STRBP: variants seen among roughly 807,000 people sequenced by gnomAD.
The protein encoded by STRBP is spermatid perinuclear RNA-binding protein.
In STRBP, 13 loss-of-function variants were observed where a neutral mutation model predicts 80.1. That is an observed-to-expected ratio of 0.16 (90% CI 0.11 to 0.26). STRBP has a LOEUF of 0.26. Among genes scored for constraint, STRBP ranks in the 10% least tolerant of loss-of-function variants. The probability of loss-of-function intolerance (pLI) is 1.00; values close to 1 mark genes in which losing one functional copy is unlikely to be tolerated. For synonymous variants in STRBP, 284 were observed against 291.2 expected (o/e 0.98, Z 0.25); for missense variants, 485 against 815.2 (o/e 0.59, Z 4.93).
At chr9:123,238,436 T>A (rs1262016809) in intron 1 of STRBP, among the ~76,000 whole-genome samples, 1 of 152,228 alleles carries the variant, frequency 6.6e-6, no homozygotes, top group African/African-American at 2.4e-5. Flanking sequence ...TAGATTCCCT[T>A]AAAGGCAAAC....
Position 123,132,965 on chromosome 9 carries a change from T to C in STRBP, c.1777A>G (p.Lys593Glu). 3 of 1,610,436 alleles carry C rather than the reference T, an allele frequency of 1.9e-6. No individual in the cohort carries two copies. Among genetic ancestry groups the C allele is most frequent in the Non-Finnish European group, 2.5e-6 (3 of 1,178,744 alleles). ...NKKKKIIPQA[K>E]GVVNTAVSAA... The stretch of plus-strand genomic sequence containing the variant: ...GACACAGCTGTATTCACAACGCCCT[T>C]TGCCTGTTAAAATAACACATTTTCA... Residue 593 changes from lysine (K) to glutamate (E), a missense_variant, in exon 17 of 19, where the codon AAG becomes GAG. By Grantham distance (56) the Lys-to-Glu change is moderately conservative (BLOSUM62 1). Around this residue, in one of 3 missense-constraint regions of STRBP, gnomAD observed 85 missense variants for 120.1 expected, o/e 0.71. Transcript: ENST00000348403.
chr9:123,197,255 A>C lies in STRBP; in HGVS notation c.-164-12957T>G, dbSNP rs150383822. On this transcript the variant is annotated intron_variant, in intron 2 of 18. Coordinates refer to ENST00000348403, the MANE Select transcript of STRBP (RefSeq NM_018387.5). ...ATCAGAGGCCGAGAGGGTGGGGAAG[A>C]AGTGGAGATGGTATATGGGTACAAA... 5.3e-5 allele frequency among the ~76,000 whole-genome samples: 8 copies of C among 152,348 alleles called. No individual in the cohort carries two copies. The East Asian group carries it at 1.3e-3, about 26-fold the overall frequency.
rs776689675 is a variant in STRBP at position 123,139,582 on chromosome 9, T to G, written c.1444A>C (p.Asn482His). The G allele has an allele frequency of 2.5e-6, 4 of 1,613,098 alleles. No individual in the cohort carries two copies. Among genetic ancestry groups the G allele is most frequent in the South Asian group, 1.1e-5 (1 of 91,002 alleles). ...NESKNETVSSNSSNNTGNSTT... is the reference protein window; with the variant it reads ...NESKNETVSSHSSNNTGNSTT... Reference sequence around the variant, plus strand: ...GAATTTCCAGTATTATTGCTTGAGTTTGAAGACACTGTTTCATTTTTACTT... The same window carrying G: ...GAATTTCCAGTATTATTGCTTGAGTGTGAAGACACTGTTTCATTTTTACTT... The change falls in exon 14 of 19, where the codon AAC (asparagine) becomes CAC (histidine). Residue 482 changes from asparagine to histidine, a missense_variant. Asn to His is a moderately conservative substitution (Grantham distance 68, BLOSUM62 1). This residue lies in a region of STRBP where 377 missense variants were observed against 616.1 expected (regional missense o/e 0.61). Coordinates refer to ENST00000348403, the MANE Select transcript of STRBP (RefSeq NM_018387.5).
At chr9:123,259,113 G>T (rs958909540) in intron 1 of STRBP, among the ~76,000 whole-genome samples, 5 of 151,118 alleles carry the variant, frequency 3.3e-5, no homozygotes, top group Non-Finnish European at 5.9e-5. Flanking sequence ...AGAAGGTAAT[G>T]TAGGCTTATG....
At chr9:123,176,525 A>G (rs1217935459) in intron 4 of STRBP, among the ~76,000 whole-genome samples, 1 of 152,214 alleles carries the variant, frequency 6.6e-6, no homozygotes, top group Non-Finnish European at 1.5e-5. Flanking sequence ...AGCACAGGAA[A>G]TTTCACAAGT....
At chr9:123,212,210 A>G (rs1389762656) in intron 2 of STRBP, among the ~76,000 whole-genome samples, 1 of 152,224 alleles carries the variant, frequency 6.6e-6, no homozygotes, top group Non-Finnish European at 1.5e-5. Context: ...AAGACTATAA[A>G]AAGAATTTGT....
chr9:123,206,937 C>G (rs1036236478), intron 2 of STRBP, among the ~76,000 whole-genome samples: 1 of 152,128 alleles, frequency 6.6e-6, no homozygotes, highest in Non-Finnish European at 1.5e-5. Context: ...CGCGCCCAGC[C>G]AAGAAGATTT....
At chr9:123,139,404 C>T (rs2036495709) in intron 14 of STRBP, 125 bp downstream of exon 14, 1 of 768,186 alleles carries the variant, frequency 1.3e-6, no homozygotes, top group African/African-American at 1.8e-5. Context: ...ATAATTATGT[C>T]TGTCTCTGTA....
At chr9:123,238,217 A>C (rs776866659) in intron 1 of STRBP, among the ~76,000 whole-genome samples, 5 of 152,188 alleles carry the variant, frequency 3.3e-5, no homozygotes, top group Non-Finnish European at 5.9e-5. Flanking sequence ...GGAGACCAAG[A>C]CCGGAGGATC....
intron 1 of STRBP, among the ~76,000 whole-genome samples, chr9:123,243,679 A>T (rs1156518173): frequency 6.6e-6 from 1 of 152,196 alleles, no homozygotes; most frequent in Admixed American, 6.5e-5. Flanking sequence ...AACATGAACA[A>T]ACATTTCACT....
rs1271352649 is a variant in STRBP at position 123,136,394 on chromosome 9, C to T, written c.1619G>A (p.Arg540His). The change falls in exon 15 of 19, where the codon CGC (arginine) becomes CAC (histidine). Residue 540 changes from arginine (R) to histidine (H), a missense_variant. This residue lies in a region of STRBP where 23 missense variants were observed against 79.0 expected (regional missense o/e 0.29). Coordinates refer to ENST00000348403, the MANE Select transcript of STRBP (RefSeq NM_018387.5). This position sits in a 1 kb window ranked among gnomAD's most constrained non-coding sequence, Gnocchi z 4.2. ...ISETGGSHDK[R>H]FVMEVEVDGQ... ...CTGGGTACACACCTCCATTACAAAG[C>T]GCTTGTCATGGCTTCCACCAGTCTC... is the stretch of plus-strand genomic sequence containing the variant. The T allele has an allele frequency of 1.1e-5, 18 of 1,613,964 alleles. No homozygotes were observed. Among genetic ancestry groups the T allele is most frequent in the Non-Finnish European group, 1.4e-5 (17 of 1,179,962 alleles).
chr9:123,184,703 A>G (rs1265651786), intron 2 of STRBP, among the ~76,000 whole-genome samples: 1 of 152,224 alleles, frequency 6.6e-6, no homozygotes, highest in African/African-American at 2.4e-5. Context: ...TGAAAATACA[A>G]CAATACCAAT....
rs1416470677 is a variant in STRBP at position 123,132,934 on chromosome 9, G to A, written c.1808C>T (p.Ala603Val). Residue 603 changes from alanine to valine, a missense_variant, in exon 17 of 19, where the codon GCA becomes GTA. Ala to Val is a moderately conservative substitution (Grantham distance 64). Coordinates refer to ENST00000348403, the MANE Select transcript of STRBP (RefSeq NM_018387.5). ...KGVVNTAVSAAVQAVRGRGRG... is the reference protein window; with the variant it reads ...KGVVNTAVSAVVQAVRGRGRG... The stretch of plus-strand genomic sequence containing the variant: ...TCCTCTGCCCCGAACAGCTTGGACT[G>A]CTGCAGACACAGCTGTATTCACAAC... 1 of 1,613,958 alleles carries A rather than the reference G, an allele frequency of 6.2e-7. No individual in the cohort carries two copies. Among genetic ancestry groups the A allele is most frequent in the African/African-American group, 1.3e-5 (1 of 74,934 alleles).
chr9:123,218,458 C>T (rs1488534652), intron 2 of STRBP, among the ~76,000 whole-genome samples: 7 of 149,664 alleles, frequency 4.7e-5, no homozygotes, highest in Non-Finnish European at 5.9e-5. Flanking sequence ...CAAGCTCCGC[C>T]TCCCGGGTTC....
chr9:123,159,664 TAAAC>T (rs1200197075), intron 8 of STRBP, among the ~76,000 whole-genome samples: 2 of 152,154 alleles, frequency 1.3e-5, no homozygotes, highest in Non-Finnish European at 2.9e-5. Flanking sequence ...ACCATTAGAA[TAAAC>T]AAACGACCAA....
chr9:123,119,831 G>T (rs528903541), downstream of STRBP, among the ~76,000 whole-genome samples: 1 of 152,198 alleles, frequency 6.6e-6, no homozygotes, highest in African/African-American at 2.4e-5. Flanking sequence ...TGGAAGGAGA[G>T]AAATTCTTTG....
chr9:123,241,331 G>C (rs951394277), intron 1 of STRBP, among the ~76,000 whole-genome samples: 2 of 152,006 alleles, frequency 1.3e-5, no homozygotes, highest in Non-Finnish European at 2.9e-5. Context: ...TGGAGAATTT[G>C]TCTCTACAAA....
At chr9:123,217,904 G>A (rs1045196115) in intron 2 of STRBP, among the ~76,000 whole-genome samples, 15 of 152,204 alleles carry the variant, frequency 9.9e-5, no homozygotes, top group African/African-American at 3.6e-4. Flanking sequence ...TGTCAGTCCA[G>A]ATATTTCAAT....
At chr9:123,158,288 T>TGTTATTTCA in intron 10 of STRBP, 44 bp downstream of exon 10, 1 of 1,595,430 alleles carries the variant, frequency 6.3e-7, no homozygotes, top group African/African-American at 1.3e-5. Flanking sequence ...AATTAAGTTA[T>TGTTATTTCA]GTTATTTCAC....
Sources: gnomAD v4.1 joint callset for allele counts (sites outside exome capture counted in the v4.1 genomes callset) on GRCh38, gnomAD v4.1.1 for gene constraint, gnomAD v4.1.1 regional missense constraint, Gnocchi (gnomAD v3.1) non-coding constraint, MANE v1.5 for transcripts, NCBI Gene and HGNC (gene_info 2026-07-23, HGNC 2026-07-21) for gene names.